Variants in CCDC62 observed in about 807,000 individuals in gnomAD.
CCDC62 encodes the protein coiled-coil domain containing 62, also known as coiled-coil domain-containing protein 62.
In CCDC62, 72 loss-of-function variants were observed where a neutral mutation model predicts 80.8. That is an observed-to-expected ratio of 0.89 (90% CI 0.74 to 1.08). The LOEUF (loss-of-function observed/expected upper bound fraction) is 1.08. CCDC62 is among the 50% of genes least tolerant of loss of function. The pLI is 0.00. For synonymous variants in CCDC62, 286 were observed against 296.5 expected (o/e 0.96, Z 0.36); for missense variants, 704 against 809.4 (o/e 0.87, Z 1.58).
chr12:122,787,038 G>C (rs1300432469), intron 4 of CCDC62, among the ~76,000 whole-genome samples: 1 of 152,196 alleles, frequency 6.6e-6, no homozygotes, highest in Non-Finnish European at 1.5e-5. Flanking sequence ...CAGTTTAGTG[G>C]CTTCAACAAC....
intron 10 of CCDC62, among the ~76,000 whole-genome samples, chr12:122,812,258 C>T (rs1286143268): frequency 6.6e-6 from 1 of 151,850 alleles, no homozygotes; most frequent in African/African-American, 2.4e-5. Flanking sequence ...GCCTGGCCAA[C>T]ATGGTGAAAC....
chr12:122,795,040 A>T (rs966655638), intron 6 of CCDC62, among the ~76,000 whole-genome samples: 1 of 151,964 alleles, frequency 6.6e-6, no homozygotes, highest in Non-Finnish European at 1.5e-5. Context: ...GCTAAATGTC[A>T]CGATTTTTTT....
intron 9 of CCDC62, among the ~76,000 whole-genome samples, chr12:122,804,848 A>G (rs10847742): frequency 0.84 from 126,151 of 149,308 alleles, 54,502 homozygotes; most frequent in East Asian, 0.99. Context: ...CCAGGTAGCC[A>G]AGACTACGGG....
At chr12:122,788,633 G>T in intron 4 of CCDC62, 125 bp from the exon 5 acceptor site, 1 of 617,654 alleles carries the variant, frequency 1.6e-6, no homozygotes, top group Middle Eastern at 3.1e-4. Context: ...AAGATTAAAT[G>T]AATTCATATG....
chr12:122,788,948 T>G lies in CCDC62; in HGVS notation c.670+19T>G. The G allele has an allele frequency of 6.5e-7, 1 of 1,546,738 alleles. No homozygotes were observed. The highest frequency in any genetic ancestry group is 8.7e-7 in the Non-Finnish European group (1 of 1,145,136). On this transcript the variant is annotated intron_variant, in intron 5 of 12. Coordinates refer to ENST00000253079, the MANE Select transcript of CCDC62 (RefSeq NM_201435.5). ...CTAAAAGGTAAGGAAGAGACCTACA[T>G]TTAAGATACAAATGTATTATCTTGG...
chr12:122,818,775 C>T (rs1359793853), intron 11 of CCDC62, among the ~76,000 whole-genome samples: 1 of 151,884 alleles, frequency 6.6e-6, no homozygotes, highest in Non-Finnish European at 1.5e-5. Context: ...AAAAATTAGC[C>T]AAGTGTAGTG....
At chr12:122,798,738 G>A (rs954411787) in intron 8 of CCDC62, among the ~76,000 whole-genome samples, 1 of 152,116 alleles carries the variant, frequency 6.6e-6, no homozygotes, top group East Asian at 1.9e-4. Flanking sequence ...CCGAGATCGC[G>A]CCATTGCACT....
chr12:122,826,570 C>T lies in CCDC62; in HGVS notation c.*189C>T. On this transcript the variant is annotated 3_prime_UTR_variant, in exon 13 of 13. Transcript: ENST00000253079. The stretch of plus-strand genomic sequence containing the variant: ...GAAAGTTAATTTTTAAACATCTACA[C>T]TTCATTTTCAAGTTAACCATTTTTG... The T allele has an allele frequency of 3.1e-6, 2 of 652,604 alleles. No homozygotes were observed. Among genetic ancestry groups the T allele is most frequent in the Non-Finnish European group, 2.8e-6 (1 of 358,562 alleles). The allele number at this position is 652,604 out of a possible 1,614,324, so 40.4% of individuals were successfully genotyped here. A position where few individuals can be genotyped will look rare whatever the true frequency, so the allele number is the denominator to read the frequency against.
At chr12:122,788,353 A>G (rs1281798465) in intron 4 of CCDC62, among the ~76,000 whole-genome samples, 2 of 152,212 alleles carry the variant, frequency 1.3e-5, no homozygotes, top group Non-Finnish European at 2.9e-5. Context: ...ACTTACCTGT[A>G]TAATCCAGAG....
chr12:122,812,733 A>AAG (rs2031955134), intron 10 of CCDC62, among the ~76,000 whole-genome samples: 1 of 87,430 alleles, frequency 1.1e-5, no homozygotes, highest in Non-Finnish European at 2.2e-5. Flanking sequence ...AAAAAAAAAA[A>AAG]AAAGAAAGAG....
chr12:122,822,680 T>G (rs866190296), intron 11 of CCDC62, among the ~76,000 whole-genome samples: 1 of 127,856 alleles, frequency 7.8e-6, no homozygotes, highest in Non-Finnish European at 1.6e-5. Context: ...TTCACACCAT[T>G]GAGTTCCACA....
In CCDC62 at chr12:122,823,449, C is replaced by T. The variant is rs773716959; in HGVS notation, c.*30C>T. ...AACAAAAGGCAACTTCAGTATTCAT[C>T]GTGATCACGAGTAAGTCACCTTTGC... On this transcript the variant is annotated 3_prime_UTR_variant, in exon 12 of 13. Coordinates refer to ENST00000253079, the MANE Select transcript of CCDC62 (RefSeq NM_201435.5). 5.2e-6 allele frequency: 8 copies of T among 1,527,302 alleles called. No individual in the cohort carries two copies. The highest frequency in any genetic ancestry group is 2.7e-5 in the African/African-American group (2 of 73,090). 94.6% of individuals were successfully genotyped at this position (1,527,302 alleles called of 1,614,324 possible).
rs2031676675 is a variant in CCDC62, at chr12:122,807,558, C to G, written c.1851+1263C>G. 3.4e-5 allele frequency among the ~76,000 whole-genome samples: 5 copies of G among 147,492 alleles called. No homozygotes were observed. In the South Asian group the frequency reaches 1.1e-3, roughly 32 times the overall value. Reference sequence around the variant, plus strand: ...AAAAAAAAAAAAAAAAGGTAAACATCTGACATCTATGATTTACCAAGATAC... The same window carrying G: ...AAAAAAAAAAAAAAAAGGTAAACATGTGACATCTATGATTTACCAAGATAC... On this transcript the variant is annotated intron_variant, in intron 10 of 12. Coordinates refer to ENST00000253079, the MANE Select transcript of CCDC62 (RefSeq NM_201435.5).
intron 6 of CCDC62, 109 bp from the exon 7 acceptor site, chr12:122,797,198 C>T: frequency 3.2e-6 from 2 of 619,534 alleles, no homozygotes; most frequent in Non-Finnish European, 2.9e-6. Flanking sequence ...TTTTTAAGTA[C>T]AGGAACAACA....
chr12:122,774,931 T>TA lies in CCDC62; in HGVS notation c.36+238dup, dbSNP rs1217004247. Reference sequence around the variant, plus strand: ...AGTGAAACCCCGTCTCTACTAAAAATAAAAAAAAAAAAATTAGCCGGGCGT... The same window carrying TA: ...AGTGAAACCCCGTCTCTACTAAAAATAAAAAAAAAAAAAATTAGCCGGGCGT... On this transcript the variant is annotated intron_variant, in intron 1 of 12. Coordinates refer to ENST00000253079, the MANE Select transcript of CCDC62 (RefSeq NM_201435.5). Among the ~76,000 whole-genome samples, 327 of 130,860 alleles carry TA rather than the reference T, an allele frequency of 2.5e-3. 2 individuals carry two copies. Among genetic ancestry groups the TA allele is most frequent in the East Asian group, 0.012 (56 of 4,482 alleles). 85.8% of individuals were successfully genotyped at this position (130,860 alleles called of 152,430 possible).
intron 9 of CCDC62, among the ~76,000 whole-genome samples, chr12:122,803,480 A>G (rs1023111768): frequency 1.3e-5 from 2 of 152,188 alleles, no homozygotes; most frequent in African/African-American, 4.8e-5. Context: ...TAGCTCTTTA[A>G]TCTTAAATTA....
At chr12:122,811,089 C>T (rs937783901) in intron 10 of CCDC62, among the ~76,000 whole-genome samples, 25 of 151,758 alleles carry the variant, frequency 1.6e-4, no homozygotes, top group African/African-American at 6.0e-4. Context: ...TTAATGGGTG[C>T]AGCACACCAA....
At chr12:122,817,596 T>C (rs1435893302) in intron 11 of CCDC62, among the ~76,000 whole-genome samples, 1 of 152,152 alleles carries the variant, frequency 6.6e-6, no homozygotes, top group Non-Finnish European at 1.5e-5. Context: ...TGTGCTGGGA[T>C]TACAGGCGTG....
intron 3 of CCDC62, among the ~76,000 whole-genome samples, chr12:122,783,755 T>C (rs750277724): frequency 1.3e-5 from 2 of 152,336 alleles, no homozygotes; most frequent in Middle Eastern, 6.8e-3. Flanking sequence ...AGTGCATTTT[T>C]AGGTTCACAG....
Sources: gnomAD v4.1 joint callset for allele counts (sites outside exome capture counted in the v4.1 genomes callset) on GRCh38, gnomAD v4.1.1 for gene constraint, MANE v1.5 for transcripts, NCBI Gene and HGNC (gene_info 2026-07-23, HGNC 2026-07-21) for gene names.